The following CEBPZOS variants were observed in gnomAD, a reference collection of about 807,000 sequenced individuals.
The protein encoded by CEBPZOS is CEBPZ opposite strand.
CEBPZOS carries 10 observed loss-of-function variants against 4.8 expected under a neutral mutation model. The ratio of observed to expected loss-of-function variants is 2.07; its 90% CI spans 1.28 to 3.52. The LOEUF (loss-of-function observed/expected upper bound fraction) is 3.52, where lower values mean the gene tolerates loss of function less well. CEBPZOS is among the 30% of genes most tolerant of loss of function. The probability of loss-of-function intolerance (pLI) is 0.00; values close to 1 mark genes in which losing one functional copy is unlikely to be tolerated. For missense variants in CEBPZOS, 98 were observed against 43.6 expected (o/e 2.25, Z -3.51); for synonymous variants, 25 against 14.2 (o/e 1.77, Z -1.72).
chr2:37,201,259 TG>T, intron 3 of CEBPZOS, 167 bp downstream of exon 3: 2 of 573,198 alleles, frequency 3.5e-6, no homozygotes, highest in East Asian at 3.0e-5. Flanking sequence ...AATTAGGTAA[TG>T]GGCTGGATTC....
chr2:37,197,330 CGT>C (rs981899760), intron 1 of CEBPZOS: 14 of 152,164 alleles, frequency 9.2e-5, no homozygotes, highest in African/African-American at 3.1e-4. Context: ...CAGTGCAAAA[CGT>C]ATATGTATTT....
downstream of CEBPZOS, among the ~76,000 whole-genome samples, chr2:37,205,302 C>G (rs1237815428): frequency 6.6e-6 from 1 of 152,134 alleles, no homozygotes; most frequent in African/African-American, 2.4e-5. Context: ...CGGTTCCTGC[C>G]TTAACTGATG....
Position 37,201,727 on chromosome 2 carries a change from G to A in CEBPZOS, c.*2+1G>A, listed in dbSNP as rs377604476. ...CATGGTTGAACAGCAAAAATTAGATGTAAGTAGAATTTTAATCTATAATTT... is the reference window on the plus strand; with the variant it reads ...CATGGTTGAACAGCAAAAATTAGATATAAGTAGAATTTTAATCTATAATTT... On this transcript the variant is annotated splice_donor_variant, in intron 4 of 4. Transcript: ENST00000402297. LOFTEE classifies it low-confidence loss of function (3UTR_SPLICE). 8 of 1,194,850 alleles carry A rather than the reference G, an allele frequency of 6.7e-6. No homozygotes were observed. The African/African-American group carries it at 7.6e-5, about 11-fold the overall frequency. The allele number at this position is 1,194,850 out of a possible 1,614,324, so 74.0% of individuals were successfully genotyped here. A position where few individuals can be genotyped will look rare whatever the true frequency, so the allele number is the denominator to read the frequency against.
At chr2:37,200,905 G>A (rs747969575) in intron 2 of CEBPZOS, 143 bp from the exon 3 acceptor site, 128 of 581,300 alleles carry the variant, frequency 2.2e-4, no homozygotes, top group Admixed American at 5.5e-4. Context: ...ATCGTTCCTG[G>A]ATTACCAGAA....
At chr2:37,200,785 C>T (rs899484703) in intron 2 of CEBPZOS, among the ~76,000 whole-genome samples, 11 of 152,184 alleles carry the variant, frequency 7.2e-5, no homozygotes, top group South Asian at 6.2e-4. Context: ...GTAGGAGGCT[C>T]GCTTGAGCCC....
In CEBPZOS at chr2:37,197,828, T is replaced by C. The variant is rs7581158; in HGVS notation, c.-2+1308T>C. Among the ~76,000 whole-genome samples, 534 of 151,794 alleles carry C rather than the reference T, an allele frequency of 3.5e-3. 4 individuals carry two copies. The highest frequency in any genetic ancestry group is 0.012 in the African/African-American group (506 of 41,340). ...TTGCAGTGAGCCAGGATCGCACCAC[T>C]GCACTCCTGCCTGGGAGACAGCAAG... On this transcript the variant is annotated intron_variant, in intron 1 of 4. Coordinates refer to ENST00000402297, the MANE Select transcript of CEBPZOS (RefSeq NM_001322374.2).
At chr2:37,211,256 A>T in intron 4 of CEBPZOS, 1 of 440,872 alleles carries the variant, frequency 2.3e-6, no homozygotes, top group East Asian at 3.4e-5. Flanking sequence ...AAAAGACTCT[A>T]AGAATTGGCA....
At chr2:37,198,183 A>T (rs2148316075) in intron 1 of CEBPZOS, among the ~76,000 whole-genome samples, 1 of 150,290 alleles carries the variant, frequency 6.7e-6, no homozygotes, top group Middle Eastern at 3.5e-3. Flanking sequence ...AAAAAAAAAT[A>T]ACCCCAAGAG....
chr2:37,202,560 A>T lies in CEBPZOS; in HGVS notation c.*700A>T. 1 of 349,362 alleles carries T rather than the reference A, an allele frequency of 2.9e-6. No individual in the cohort carries two copies. Among genetic ancestry groups the T allele is most frequent in the South Asian group, 4.4e-5 (1 of 22,810 alleles). 21.6% of individuals were successfully genotyped at this position (349,362 alleles called of 1,614,324 possible). ...CTTGGGAGGCTAAGGTAGGAGAATT[A>T]CTTGAACATGGGAGATGGAGGTTGC... On this transcript the variant is annotated 3_prime_UTR_variant, in exon 5 of 5. Transcript: ENST00000402297.
rs1481187892 is a variant in CEBPZOS at position 37,202,964 on chromosome 2, C to G, written c.*1104C>G. The G allele has an allele frequency of 6.4e-7, 1 of 1,571,570 alleles. No homozygotes were observed. The highest frequency in any genetic ancestry group is 8.6e-7 in the Non-Finnish European group (1 of 1,161,580). On this transcript the variant is annotated 3_prime_UTR_variant, in exon 5 of 5. Transcript: ENST00000402297. ...ATTAGCCTTACCTCTTCAGCAGATACAAATAGGCTGGAATCATTTAAGTTT... is the reference window on the plus strand; with the variant it reads ...ATTAGCCTTACCTCTTCAGCAGATAGAAATAGGCTGGAATCATTTAAGTTT...
intron 3 of CEBPZOS, chr2:37,201,379 A>C: frequency 2.0e-6 from 1 of 495,994 alleles, no homozygotes; most frequent in South Asian, 2.7e-5. Context: ...GTTTCATCTC[A>C]GGTTTGCTAA....
intron 1 of CEBPZOS, chr2:37,197,394 C>T (rs1324356540): frequency 6.6e-6 from 1 of 152,220 alleles, no homozygotes; most frequent in Admixed American, 6.5e-5. Flanking sequence ...CAGCTATGCT[C>T]ACCACTATAC....
In CEBPZOS at chr2:37,203,226, C is replaced by A. The variant is rs1677366812; in HGVS notation, c.*1366C>A. ...CATCCTAATAGAACTGTTCAGATGA[C>A]AAGAGTGTCTTCTTGCTTTTCAGAT... On this transcript the variant is annotated 3_prime_UTR_variant, in exon 5 of 5. Coordinates refer to ENST00000402297, the MANE Select transcript of CEBPZOS (RefSeq NM_001322374.2). 3.0e-6 allele frequency: 1 copy of A among 329,862 alleles called. No homozygotes were observed. 20.4% of individuals were successfully genotyped at this position (329,862 alleles called of 1,614,324 possible). A position where few individuals can be genotyped will look rare whatever the true frequency, so the allele number is the denominator to read the frequency against.
intron 3 of CEBPZOS, 31 bp downstream of exon 3, chr2:37,201,123 AAAACAACTTCTTCAG>A: frequency 4.2e-6 from 3 of 707,142 alleles, no homozygotes; most frequent in Non-Finnish European, 7.8e-6. Context: ...AAATAAGTAT[AAAACAACTTCTTCAG>A]GTAACCTATA....
At chr2:37,207,727 G>GCTCACAC (rs1195006817), downstream of CEBPZOS, among the ~76,000 whole-genome samples, 1 of 152,066 alleles carries the variant, frequency 6.6e-6, no homozygotes, top group Non-Finnish European at 1.5e-5. Context: ...GACAATCTAA[G>GCTCACAC]CTCACACCTC....
chr2:37,210,900 A>G, intron 4 of CEBPZOS: 1 of 593,738 alleles, frequency 1.7e-6, no homozygotes, highest in Non-Finnish European at 2.6e-6. Context: ...CCACCCCTGA[A>G]TTTTATTAAT....
chr2:37,215,226 G>A (rs545992233), downstream of CEBPZOS: 15 of 263,966 alleles, frequency 5.7e-5, no homozygotes, highest in African/African-American at 2.6e-4. Context: ...TTCTCTTACT[G>A]TTCTTCATTT....
At chr2:37,212,166 AAAT>A in intron 4 of CEBPZOS, 1 of 989,334 alleles carries the variant, frequency 1.0e-6, no homozygotes, top group South Asian at 1.6e-5. Context: ...TGCTCAGAGT[AAAT>A]AATAACGTGC....
downstream of CEBPZOS, chr2:37,209,127 A>C (rs559668757): frequency 2.0e-5 from 3 of 152,096 alleles, no homozygotes; most frequent in Non-Finnish European, 4.4e-5. Flanking sequence ...ACTACAAAAC[A>C]CTGCTGAAAG....
Sources: gnomAD v4.1 joint callset for allele counts (sites outside exome capture counted in the v4.1 genomes callset) on GRCh38, gnomAD v4.1.1 for gene constraint, MANE v1.5 for transcripts, NCBI Gene and HGNC (gene_info 2026-07-23, HGNC 2026-07-21) for gene names.